Variants in MARCKSL1 observed in about 807,000 individuals in gnomAD.
MARCKSL1 encodes MARCKS-related protein.
MARCKSL1 carries 5 observed loss-of-function variants against 13.3 expected under a neutral mutation model. The observed-to-expected ratio is 0.38, with a 90% CI of 0.20 to 0.79. MARCKSL1 has a LOEUF of 0.79. MARCKSL1 is among the 30% of genes least tolerant of loss of function. The probability of loss-of-function intolerance (pLI) is 0.45; values close to 1 mark genes in which losing one functional copy is unlikely to be tolerated. For missense variants in MARCKSL1, 274 were observed against 251.6 expected (o/e 1.09, Z -0.60); for synonymous variants, 126 against 103.2 (o/e 1.22, Z -1.34).
chr1:32,336,192 G>A lies in MARCKSL1; in HGVS notation c.-159C>T, dbSNP rs1448717916. On this transcript the variant is annotated 5_prime_UTR_variant, in exon 1 of 2. Transcript: ENST00000329421. ...TGCACCTCCGCTCCGCGGCCGACCCGCTAGCTGCGCCCGCCGCCGCTCCGC... is the reference window on the plus strand; with the variant it reads ...TGCACCTCCGCTCCGCGGCCGACCCACTAGCTGCGCCCGCCGCCGCTCCGC... The A allele has an allele frequency of 8.7e-6, 3 of 345,142 alleles. No individual in the cohort carries two copies. The East Asian group carries it at 1.3e-4, about 15-fold the overall frequency. The allele number at this position is 345,142 out of a possible 1,614,324, so 21.4% of individuals were successfully genotyped here.
At position 32,335,889 on chromosome 1, in the gene MARCKSL1, C is replaced by G. The variant is rs1641383803; in HGVS notation, c.87+58G>C. ...GCGGCCCCGGCCCCGGCCCCGGGCCCTAGAAGGGGCGAGGTGCGAGAGGAG... is the reference window on the plus strand; with the variant it reads ...GCGGCCCCGGCCCCGGCCCCGGGCCGTAGAAGGGGCGAGGTGCGAGAGGAG... On this transcript the variant is annotated intron_variant, in intron 1 of 1. Transcript: ENST00000329421. This position sits in a 1 kb window ranked among gnomAD's most constrained non-coding sequence, Gnocchi z 4.1. 1 of 1,101,588 alleles carries G rather than the reference C, an allele frequency of 9.1e-7. No individual in the cohort carries two copies. Among genetic ancestry groups the G allele is most frequent in the African/African-American group, 1.6e-5 (1 of 61,914 alleles). The allele number at this position is 1,101,588 out of a possible 1,614,324, so 68.2% of individuals were successfully genotyped here.
Position 32,334,862 on chromosome 1 carries a change from T to C in MARCKSL1, c.323A>G (p.Asn108Ser). ...FKLSGLSFKR[N>S]RKEGGGDSSA... is the part of the protein sequence containing the mutation. Reference sequence around the variant, plus strand: ...AGAATCACCCCCACCCTCCTTCCGATTTCTCTTGAAGGACAGGCCGCTCAA... The same window carrying C: ...AGAATCACCCCCACCCTCCTTCCGACTTCTCTTGAAGGACAGGCCGCTCAA... Residue 108 changes from asparagine to serine, a missense_variant, in exon 2 of 2, where the codon AAT (asparagine) becomes AGT (serine). Physicochemically the swap from Asn to Ser is conservative, Grantham distance 46. Transcript: ENST00000329421. The C allele has an allele frequency of 2.5e-6, 4 of 1,612,528 alleles. No individual in the cohort carries two copies. Among genetic ancestry groups the C allele is most frequent in the Non-Finnish European group, 3.4e-6 (4 of 1,179,936 alleles).
Position 32,334,933 on chromosome 1 carries a change from C to T in MARCKSL1, c.252G>A (p.Glu84=). ...AEAKGEVPPK[E]TPKKKKKFSF... The stretch of plus-strand genomic sequence containing the variant: ...AGAATTTCTTCTTCTTCTTGGGGGT[C>T]TCCTTGGGGGGGACCTCCCCCTTGG... The change falls in exon 2 of 2, where the codon GAG becomes GAA. Residue 84 remains glutamate, a synonymous_variant. Coordinates refer to ENST00000329421, the MANE Select transcript of MARCKSL1 (RefSeq NM_023009.7). The T allele has an allele frequency of 1.2e-6, 2 of 1,612,292 alleles. No individual in the cohort carries two copies. The highest frequency in any genetic ancestry group is 1.7e-6 in the Non-Finnish European group (2 of 1,179,958).
chr1:32,335,367 G>A lies in MARCKSL1; in HGVS notation c.88-270C>T, dbSNP rs1274837385. ...TCCCCCGGGGCGCGCTCTCTATTCC[G>A]CGCGGAACCGCTCCGGATCTGCTGT... On this transcript the variant is annotated intron_variant, in intron 1 of 1. Coordinates refer to ENST00000329421, the MANE Select transcript of MARCKSL1 (RefSeq NM_023009.7). The surrounding 1 kb of genome is among the most constrained non-coding windows in gnomAD (Gnocchi z 4.1). 6.7e-6 allele frequency among the ~76,000 whole-genome samples: 1 copy of A among 149,578 alleles called. No homozygotes were observed. The highest frequency in any genetic ancestry group is 2.5e-5 in the African/African-American group (1 of 40,528).
Position 32,334,679 on chromosome 1 carries a change from GCCTC to G in MARCKSL1, c.502_505del (p.Glu168GlnfsTer29). ...GGATGGCTCTGTAGCCTGGGGCCCT[GCCTC>G]TTCTTCTGAGGCTGCACTAGCCTCT... is the stretch of plus-strand genomic sequence containing the variant. On this transcript the variant is annotated frameshift_variant, in exon 2 of 2. Coordinates refer to ENST00000329421, the MANE Select transcript of MARCKSL1 (RefSeq NM_023009.7). LOFTEE classifies it high-confidence loss of function. 1 of 1,612,290 alleles carries G rather than the reference GCCTC, an allele frequency of 6.2e-7. No homozygotes were observed. The highest frequency in any genetic ancestry group is 8.5e-7 in the Non-Finnish European group (1 of 1,179,574).
rs758567648 is a variant in MARCKSL1 at position 32,334,753 on chromosome 1, C to A, written c.432G>T (p.Lys144Asn). ...CSDEGTAQEGKAAATPESQEP... is the reference protein window; with the variant it reads ...CSDEGTAQEGNAAATPESQEP... Reference sequence around the variant, plus strand: ...CCTGGCTCTCAGGGGTGGCTGCGGCCTTCCCTTCCTGAGCAGTGCCCTCGT... The same window carrying A: ...CCTGGCTCTCAGGGGTGGCTGCGGCATTCCCTTCCTGAGCAGTGCCCTCGT... The change falls in exon 2 of 2, where the codon AAG (lysine) becomes AAT (asparagine). Residue 144 changes from lysine (K) to asparagine (N), a missense_variant. By Grantham distance (94) the Lys-to-Asn change is moderately conservative. Coordinates refer to ENST00000329421, the MANE Select transcript of MARCKSL1 (RefSeq NM_023009.7). 1.2e-6 allele frequency: 2 copies of A among 1,611,796 alleles called. No homozygotes were observed. Among genetic ancestry groups the A allele is most frequent in the Non-Finnish European group, 8.5e-7 (1 of 1,179,872 alleles).
chr1:32,334,751 G>A lies in MARCKSL1; in HGVS notation c.434C>T (p.Ala145Val). ...SDEGTAQEGK[A>V]AATPESQEPQ... ...TTCCTGGCTCTCAGGGGTGGCTGCG[G>A]CCTTCCCTTCCTGAGCAGTGCCCTC... Residue 145 changes from alanine to valine, a missense_variant, in exon 2 of 2, where the codon GCC becomes GTC. By Grantham distance (64) the Ala-to-Val change is moderately conservative. Coordinates refer to ENST00000329421, the MANE Select transcript of MARCKSL1 (RefSeq NM_023009.7). 1.2e-6 allele frequency: 2 copies of A among 1,611,732 alleles called. No individual in the cohort carries two copies. The highest frequency in any genetic ancestry group is 1.7e-6 in the Non-Finnish European group (2 of 1,179,874).
Position 32,336,210 on chromosome 1 carries a change from C to T in MARCKSL1, c.-177G>A, listed in dbSNP as rs1003868053. On this transcript the variant is annotated 5_prime_UTR_variant, in exon 1 of 2. Coordinates refer to ENST00000329421, the MANE Select transcript of MARCKSL1 (RefSeq NM_023009.7). ...CCGACCCGCTAGCTGCGCCCGCCGCCGCTCCGCTCCGCGCCAGAATGCCGC... is the reference window on the plus strand; with the variant it reads ...CCGACCCGCTAGCTGCGCCCGCCGCTGCTCCGCTCCGCGCCAGAATGCCGC... The T allele has an allele frequency of 6.1e-6, 2 of 330,288 alleles. No individual in the cohort carries two copies. Among genetic ancestry groups the T allele is most frequent in the East Asian group, 4.6e-5 (1 of 21,696 alleles). 20.5% of individuals were successfully genotyped at this position (330,288 alleles called of 1,614,324 possible).
chr1:32,335,815 G>C lies in MARCKSL1; in HGVS notation c.87+132C>G. 2 of 379,574 alleles carry C rather than the reference G, an allele frequency of 5.3e-6. No individual in the cohort carries two copies. Among genetic ancestry groups the C allele is most frequent in the Non-Finnish European group, 4.4e-6 (1 of 228,228 alleles). 23.5% of individuals were successfully genotyped at this position (379,574 alleles called of 1,614,324 possible). A position where few individuals can be genotyped will look rare whatever the true frequency, so the allele number is the denominator to read the frequency against. ...GGGGGCTGCGGCGCCGAGAACAAAGGGACCGGGCGGGGGAGGGGGCGCCGC... is the reference window on the plus strand; with the variant it reads ...GGGGGCTGCGGCGCCGAGAACAAAGCGACCGGGCGGGGGAGGGGGCGCCGC... On this transcript the variant is annotated intron_variant, in intron 1 of 1. Coordinates refer to ENST00000329421, the MANE Select transcript of MARCKSL1 (RefSeq NM_023009.7). This position sits in a 1 kb window ranked among gnomAD's most constrained non-coding sequence, Gnocchi z 4.1.
Position 32,334,944 on chromosome 1 carries a change from G to T in MARCKSL1, c.241C>A (p.Pro81Thr). Residue 81 changes from proline to threonine, a missense_variant, in exon 2 of 2, where the codon CCC (proline) becomes ACC (threonine). Coordinates refer to ENST00000329421, the MANE Select transcript of MARCKSL1 (RefSeq NM_023009.7). Reference sequence around the variant, plus strand: ...TTCTTCTTGGGGGTCTCCTTGGGGGGGACCTCCCCCTTGGCCTCAGCACCC... The same window carrying T: ...TTCTTCTTGGGGGTCTCCTTGGGGGTGACCTCCCCCTTGGCCTCAGCACCC... ...SQGAEAKGEV[P>T]PKETPKKKKK... is the part of the protein sequence containing the mutation. The T allele has an allele frequency of 1.2e-6, 2 of 1,612,178 alleles. No homozygotes were observed. The highest frequency in any genetic ancestry group is 1.7e-6 in the Non-Finnish European group (2 of 1,179,874).
rs8176773 is a variant in MARCKSL1 at position 32,336,201 on chromosome 1, G to A, written c.-168C>T. 7.2e-3 allele frequency: 2,430 copies of A among 336,930 alleles called. 56 individuals are homozygous for A. Among genetic ancestry groups the A allele is most frequent in the African/African-American group, 0.049 (2,271 of 46,298 alleles). The allele number at this position is 336,930 out of a possible 1,614,324, so 20.9% of individuals were successfully genotyped here. ...GCTCCGCGGCCGACCCGCTAGCTGC[G>A]CCCGCCGCCGCTCCGCTCCGCGCCA... On this transcript the variant is annotated 5_prime_UTR_variant, in exon 1 of 2. Coordinates refer to ENST00000329421, the MANE Select transcript of MARCKSL1 (RefSeq NM_023009.7).
Position 32,335,673 on chromosome 1 carries a change from T to G in MARCKSL1, c.87+274A>C, listed in dbSNP as rs1641378123. 6.6e-6 allele frequency among the ~76,000 whole-genome samples: 1 copy of G among 151,114 alleles called. No homozygotes were observed. Among genetic ancestry groups the G allele is most frequent in the African/African-American group, 2.4e-5 (1 of 41,212 alleles). ...TGGCGTGGCCCAGCAGCGCCTTTGT[T>G]CCCCGCGCGGCACTCGGGGCGGCCG... On this transcript the variant is annotated intron_variant, in intron 1 of 1. Transcript: ENST00000329421. The surrounding 1 kb of genome is among the most constrained non-coding windows in gnomAD (Gnocchi z 4.1).
Position 32,334,434 on chromosome 1 carries a change from A to C in MARCKSL1, c.*163T>G. 1.3e-6 allele frequency: 1 copy of C among 773,270 alleles called. No individual in the cohort carries two copies. The highest frequency in any genetic ancestry group is 1.8e-5 in the African/African-American group (1 of 56,648). 47.9% of individuals were successfully genotyped at this position (773,270 alleles called of 1,614,324 possible). A position where few individuals can be genotyped will look rare whatever the true frequency, so the allele number is the denominator to read the frequency against. On this transcript the variant is annotated 3_prime_UTR_variant, in exon 2 of 2. Transcript: ENST00000329421. The stretch of plus-strand genomic sequence containing the variant: ...GGAGAACCAGATGGCTGATGGGAGA[A>C]TCCACAGGAGGGAGAGGAGGAAAGG...
In MARCKSL1 at chr1:32,335,487, C is replaced by A. The variant is rs1440200877; in HGVS notation, c.88-390G>T. The stretch of plus-strand genomic sequence containing the variant: ...TCTCTGCACCTGGACGGCCTATTTT[C>A]CCAGCCTCCCGCTTTGTGTAAGTGG... On this transcript the variant is annotated intron_variant, in intron 1 of 1. Coordinates refer to ENST00000329421, the MANE Select transcript of MARCKSL1 (RefSeq NM_023009.7). The surrounding 1 kb of genome is among the most constrained non-coding windows in gnomAD (Gnocchi z 4.1). 6.6e-6 allele frequency among the ~76,000 whole-genome samples: 1 copy of A among 151,840 alleles called. No homozygotes were observed. Among genetic ancestry groups the A allele is most frequent in the East Asian group, 2.0e-4 (1 of 5,124 alleles).
In MARCKSL1 at chr1:32,334,569, T is replaced by TA; in HGVS notation, c.*27dup. The TA allele has an allele frequency of 6.6e-7, 1 of 1,515,016 alleles. No homozygotes were observed. Among genetic ancestry groups the TA allele is most frequent in the Non-Finnish European group, 8.8e-7 (1 of 1,132,556 alleles). The allele number at this position is 1,515,016 out of a possible 1,614,324, so 93.8% of individuals were successfully genotyped here. A position where few individuals can be genotyped will look rare whatever the true frequency, so the allele number is the denominator to read the frequency against. ...CAAGGACAGCACAGTTTTTGCAGCTTAGAGATCACCCACCTGCCCCTACCT... is the reference window on the plus strand; with the variant it reads ...CAAGGACAGCACAGTTTTTGCAGCTTAAGAGATCACCCACCTGCCCCTACCT... On this transcript the variant is annotated 3_prime_UTR_variant, in exon 2 of 2. Transcript: ENST00000329421.
rs1281253352 is a variant in MARCKSL1, at chr1:32,334,747, T to A, written c.438A>T (p.Ala146=). The change falls in exon 2 of 2, where the codon GCA becomes GCT. Residue 146 remains alanine (A), a synonymous_variant. Coordinates refer to ENST00000329421, the MANE Select transcript of MARCKSL1 (RefSeq NM_023009.7). ...GGGGTTCCTGGCTCTCAGGGGTGGC[T>A]GCGGCCTTCCCTTCCTGAGCAGTGC... ...DEGTAQEGKA[A]ATPESQEPQA... The A allele has an allele frequency of 6.2e-7, 1 of 1,611,920 alleles. No homozygotes were observed. Among genetic ancestry groups the A allele is most frequent in the Admixed American group, 1.7e-5 (1 of 59,982 alleles).
At position 32,335,950 on chromosome 1, in the gene MARCKSL1, G is replaced by A. The variant is rs566324488; in HGVS notation, c.84C>T (p.Gly28=). The part of the protein sequence containing the change: ...AAGASPAKAN[G]QENGHVKSNG... ...CGGCCGGGCCAAGCGTACCCACCTG[G>A]CCGTTGGCCTTCGCGGGGGAAGCGC... The change falls in exon 1 of 2, where the codon GGC becomes GGT. Residue 28 remains glycine, a synonymous_variant. Coordinates refer to ENST00000329421, the MANE Select transcript of MARCKSL1 (RefSeq NM_023009.7). The surrounding 1 kb of genome is among the most constrained non-coding windows in gnomAD (Gnocchi z 4.1). The A allele has an allele frequency of 6.2e-6, 8 of 1,291,392 alleles. No individual in the cohort carries two copies. The highest frequency in any genetic ancestry group is 3.1e-5 in the Admixed American group (1 of 32,208). 80.0% of individuals were successfully genotyped at this position (1,291,392 alleles called of 1,614,324 possible).
chr1:32,335,033 A>T lies in MARCKSL1; in HGVS notation c.152T>A (p.Val51Glu). 1.9e-6 allele frequency: 3 copies of T among 1,572,612 alleles called. No individual in the cohort carries two copies. The highest frequency in any genetic ancestry group is 2.6e-6 in the Non-Finnish European group (3 of 1,161,008). Residue 51 changes from valine to glutamate, a missense_variant, in exon 2 of 2, where the codon GTG becomes GAG. Coordinates refer to ENST00000329421, the MANE Select transcript of MARCKSL1 (RefSeq NM_023009.7). This position sits in a 1 kb window ranked among gnomAD's most constrained non-coding sequence, Gnocchi z 4.1. ...CCCGGCTGCCTCATCTGTTCCGTTC[A>T]CAGGGGGCGACTCCCCTTCACCCTT... The part of the protein sequence containing the change: ...SPKGEGESPP[V>E]NGTDEAAGAT...
Position 32,334,522 on chromosome 1 carries a change from C to A in MARCKSL1, c.*75G>T. On this transcript the variant is annotated 3_prime_UTR_variant, in exon 2 of 2. Coordinates refer to ENST00000329421, the MANE Select transcript of MARCKSL1 (RefSeq NM_023009.7). ...TGGGCACAGGAAGGCAGCCAGGGCA[C>A]CAGGTCCAGGCAGTGACCTCACAAG... 6.9e-7 allele frequency: 1 copy of A among 1,441,098 alleles called. No individual in the cohort carries two copies. Among genetic ancestry groups the A allele is most frequent in the South Asian group, 1.6e-5 (1 of 63,636 alleles). 89.3% of individuals were successfully genotyped at this position (1,441,098 alleles called of 1,614,324 possible). A position where few individuals can be genotyped will look rare whatever the true frequency, so the allele number is the denominator to read the frequency against.
Sources: gnomAD v4.1 joint callset for allele counts (sites outside exome capture counted in the v4.1 genomes callset) on GRCh38, gnomAD v4.1.1 for gene constraint, Gnocchi (gnomAD v3.1) non-coding constraint, MANE v1.5 for transcripts, NCBI Gene and HGNC (gene_info 2026-07-23, HGNC 2026-07-21) for gene names.